DGCR8: variants seen among roughly 807,000 people sequenced by gnomAD.
The protein encoded by DGCR8 is microprocessor complex subunit DGCR8.
In DGCR8, 14 loss-of-function variants were observed where a neutral mutation model predicts 78.5. The ratio of observed to expected loss-of-function variants is 0.18; its 90% CI spans 0.12 to 0.28. The LOEUF (loss-of-function observed/expected upper bound fraction) is 0.28. DGCR8 is among the 10% of genes least tolerant of loss of function. DGCR8 has a pLI of 1.00. For synonymous variants in DGCR8, 399 were observed against 402.4 expected (o/e 0.99, Z 0.10); for missense variants, 702 against 1,022.5 (o/e 0.69, Z 4.28).
intron 1 of DGCR8, chr22:20,084,879 C>T: frequency 1.5e-6 from 1 of 664,882 alleles, no homozygotes; most frequent in Non-Finnish European, 1.9e-6. Flanking sequence ...CTGTGGGTCT[C>T]CCCTCTCAAG....
At position 20,106,730 on chromosome 22, in the gene DGCR8, G is replaced by A. The variant is rs780282217; in HGVS notation, c.1996+32G>A. 3.5e-5 allele frequency: 54 copies of A among 1,525,548 alleles called. 1 individual carries two copies. The highest frequency in any genetic ancestry group is 3.5e-4 in the Admixed American group (21 of 59,856). The allele number at this position is 1,525,548 out of a possible 1,614,324, so 94.5% of individuals were successfully genotyped here. On this transcript the variant is annotated intron_variant, in intron 11 of 13. Coordinates refer to ENST00000351989, the MANE Select transcript of DGCR8 (RefSeq NM_022720.7). ...ACTCCTTCTCTGCTGCCTGGTGGCCGCTGGGCGGGCGGCCCCTGGTGTGGC... is the reference window on the plus strand; with the variant it reads ...ACTCCTTCTCTGCTGCCTGGTGGCCACTGGGCGGGCGGCCCCTGGTGTGGC...
Position 20,085,631 on chromosome 22 carries a change from C to T in DGCR8, c.-277-56C>T. 7.9e-7 allele frequency: 1 copy of T among 1,260,848 alleles called. No homozygotes were observed. Among genetic ancestry groups the T allele is most frequent in the Non-Finnish European group, 1.0e-6 (1 of 1,001,624 alleles). The allele number at this position is 1,260,848 out of a possible 1,614,324, so 78.1% of individuals were successfully genotyped here. ...TAGTGCTTGGCTTTTAACTTGGTAC[C>T]AGGGAATTGGAAGGTTTCTGTCATT... On this transcript the variant is annotated intron_variant, in intron 1 of 13. Transcript: ENST00000351989. The surrounding 1 kb of genome is among the most constrained non-coding windows in gnomAD (Gnocchi z 6.2).
In DGCR8 at chr22:20,089,746, C is replaced by G; in HGVS notation, c.958C>G (p.Leu320Val). 6.2e-7 allele frequency: 1 copy of G among 1,613,956 alleles called. No homozygotes were observed. Among genetic ancestry groups the G allele is most frequent in the Non-Finnish European group, 8.5e-7 (1 of 1,180,004 alleles). The change falls in exon 4 of 14, where the codon CTA becomes GTA. Residue 320 changes from leucine (L) to valine (V), a missense_variant. Transcript: ENST00000351989. The surrounding 1 kb of genome is among the most constrained non-coding windows in gnomAD (Gnocchi z 4.9). ...TFHNSGVPVYLHRESRVVTWS... is the reference protein window; with the variant it reads ...TFHNSGVPVYVHRESRVVTWS... The stretch of plus-strand genomic sequence containing the variant: ...CCATAACTCTGGAGTCCCGGTGTAC[C>G]TACACAGAGAGTCTCGGGTGGTCAC...
rs1261469693 is a variant in DGCR8, at chr22:20,086,807, G to T, written c.720+124G>T. ...AAAAACAAAAACCAAAATCCCCTCT[G>T]AGGTGGAATAATGTTAATGTGGAGA... On this transcript the variant is annotated intron_variant, in intron 2 of 13. Transcript: ENST00000351989. The surrounding 1 kb of genome is among the most constrained non-coding windows in gnomAD (Gnocchi z 6.4). 9.0e-7 allele frequency: 1 copy of T among 1,114,320 alleles called. No homozygotes were observed. The highest frequency in any genetic ancestry group is 1.6e-5 in the African/African-American group (1 of 63,988). The allele number at this position is 1,114,320 out of a possible 1,614,324, so 69.0% of individuals were successfully genotyped here.
intron 1 of DGCR8, 186 bp downstream of exon 1, chr22:20,080,569 G>C (rs941788618): frequency 8.6e-6 from 7 of 815,010 alleles, no homozygotes; most frequent in Middle Eastern, 6.1e-4. Context: ...GGACGCCTCC[G>C]GGGCTGGGGG....
chr22:20,106,960 G>T, intron 11 of DGCR8: 1 of 574,506 alleles, frequency 1.7e-6, no homozygotes, highest in Non-Finnish European at 3.1e-6. Flanking sequence ...CCTCCTCCTC[G>T]AACAGCCAGC....
chr22:20,111,576 C>A lies in DGCR8; in HGVS notation c.*1468C>A. On this transcript the variant is annotated 3_prime_UTR_variant, in exon 14 of 14. Coordinates refer to ENST00000351989, the MANE Select transcript of DGCR8 (RefSeq NM_022720.7). ...TTTGACTGTGACTGTTGCCCTTAGC[C>A]AGCCAGATGCGCCTGTGAACCAAAG... The A allele has an allele frequency of 2.5e-6, 1 of 397,306 alleles. No homozygotes were observed. The allele number at this position is 397,306 out of a possible 1,614,324, so 24.6% of individuals were successfully genotyped here. A position where few individuals can be genotyped will look rare whatever the true frequency, so the allele number is the denominator to read the frequency against.
chr22:20,108,736 C>A, intron 12 of DGCR8, 154 bp from the exon 13 acceptor site: 1 of 380,784 alleles, frequency 2.6e-6, no homozygotes, highest in Non-Finnish European at 4.9e-6. Context: ...GGCCAGTCAG[C>A]ATGCAGTTAT....
At chr22:20,101,722 T>G (rs1330568488) in intron 9 of DGCR8, 2 of 985,342 alleles carry the variant, frequency 2.0e-6, no homozygotes, top group South Asian at 9.4e-5. Flanking sequence ...AGTTTCTATT[T>G]GCTGGTCCTC....
Position 20,089,572 on chromosome 22 carries a change from A to T in DGCR8, c.881-97A>T, listed in dbSNP as rs2049528181. The stretch of plus-strand genomic sequence containing the variant: ...TATCTGTGAAGACCCAGTTAAACAC[A>T]TGCTAGTACCCAACAATTTCTTGTG... On this transcript the variant is annotated intron_variant, in intron 3 of 13. Transcript: ENST00000351989. This position sits in a 1 kb window ranked among gnomAD's most constrained non-coding sequence, Gnocchi z 4.9. The T allele has an allele frequency of 3.7e-6, 5 of 1,368,542 alleles. No individual in the cohort carries two copies. The highest frequency in any genetic ancestry group is 1.9e-5 in the Admixed American group (1 of 53,544). 84.8% of individuals were successfully genotyped at this position (1,368,542 alleles called of 1,614,324 possible). A position where few individuals can be genotyped will look rare whatever the true frequency, so the allele number is the denominator to read the frequency against.
intron 9 of DGCR8, chr22:20,101,915 G>A: frequency 1.0e-6 from 1 of 985,392 alleles, no homozygotes; most frequent in Non-Finnish European, 1.2e-6. Flanking sequence ...TGCCTGTGAG[G>A]TGTGGTGGCC....
At chr22:20,104,407 T>G (rs1241056932) in intron 9 of DGCR8, among the ~76,000 whole-genome samples, 1 of 152,162 alleles carries the variant, frequency 6.6e-6, no homozygotes, top group Non-Finnish European at 1.5e-5. Flanking sequence ...GACCTCGTGA[T>G]CCACCCGCCT....
chr22:20,104,138 A>C (rs553218330), intron 9 of DGCR8, among the ~76,000 whole-genome samples: 258 of 148,812 alleles, frequency 1.7e-3, no homozygotes, highest in African/African-American at 6.0e-3. Flanking sequence ...AGCTTGGTGC[A>C]GGGCATCCTG....
At chr22:20,091,807 G>C in intron 6 of DGCR8, 62 bp from the exon 7 acceptor site, 7 of 1,534,586 alleles carry the variant, frequency 4.6e-6, no homozygotes, top group Non-Finnish European at 6.3e-6. Flanking sequence ...ATGGTAACAG[G>C]AAGCTGTGTG....
chr22:20,088,736 C>T (rs1436413368), intron 3 of DGCR8, among the ~76,000 whole-genome samples: 1 of 152,136 alleles, frequency 6.6e-6, no homozygotes, highest in African/African-American at 2.4e-5. Context: ...GGTACCTAGC[C>T]CTGAGAGTCA....
In DGCR8 at chr22:20,089,863, C is replaced by T. The variant is rs754139650; in HGVS notation, c.1023+52C>T. ...AGGCTTGTAAGTTCTCAGACCAAAA[C>T]GTGCACATCCACACACATGGCACCG... On this transcript the variant is annotated intron_variant, in intron 4 of 13. Coordinates refer to ENST00000351989, the MANE Select transcript of DGCR8 (RefSeq NM_022720.7). This position sits in a 1 kb window ranked among gnomAD's most constrained non-coding sequence, Gnocchi z 4.9. The T allele has an allele frequency of 1.4e-5, 22 of 1,606,314 alleles. No homozygotes were observed. Among genetic ancestry groups the T allele is most frequent in the Middle Eastern group, 1.7e-4 (1 of 6,026 alleles).
At chr22:20,083,454 G>T (rs1167070021) in intron 1 of DGCR8, among the ~76,000 whole-genome samples, 2 of 151,588 alleles carry the variant, frequency 1.3e-5, no homozygotes, top group Non-Finnish European at 2.9e-5. Flanking sequence ...TCTGGGGCTG[G>T]GCAGGTTTCC....
chr22:20,102,049 T>C (rs1421997507), intron 9 of DGCR8: 3 of 985,362 alleles, frequency 3.0e-6, no homozygotes, highest in East Asian at 2.3e-4. Flanking sequence ...TTCATGGCTA[T>C]TAAATTTAGG....
chr22:20,087,192 C>T lies in DGCR8; in HGVS notation c.751C>T (p.Leu251=). 1 of 1,613,258 alleles carries T rather than the reference C, an allele frequency of 6.2e-7. No individual in the cohort carries two copies. Among genetic ancestry groups the T allele is most frequent in the Non-Finnish European group, 8.5e-7 (1 of 1,179,374 alleles). The change falls in exon 3 of 14, where the codon CTG becomes TTG. Residue 251 remains leucine (L), a synonymous_variant. Coordinates refer to ENST00000351989, the MANE Select transcript of DGCR8 (RefSeq NM_022720.7). This position sits in a 1 kb window ranked among gnomAD's most constrained non-coding sequence, Gnocchi z 4.1. ...DDFDNDVDAL[L]EEGLCAPKKR... is the part of the protein sequence containing the mutation. ...CTTTGACAACGATGTGGATGCTCTG[C>T]TGGAAGAAGGCCTTTGTGCCCCCAA...
Sources: allele counts gnomAD v4.1 joint callset (sites outside exome capture counted in the v4.1 genomes callset), GRCh38; gene constraint gnomAD v4.1.1; non-coding constraint Gnocchi (gnomAD v3.1); transcripts MANE v1.5; gene names NCBI Gene and HGNC (gene_info 2026-07-23, HGNC 2026-07-21).